The following SFMBT2 variants were observed in gnomAD, a reference collection of about 807,000 sequenced individuals.
SFMBT2 encodes scm-like with four MBT domains protein 2.
Under a neutral mutation model 110.1 loss-of-function variants are expected in SFMBT2, and 38 were observed. The ratio of observed to expected loss-of-function variants is 0.35; its 90% confidence interval spans 0.27 to 0.45. The LOEUF (loss-of-function observed/expected upper bound fraction) is 0.45, where lower values mean the gene tolerates loss of function less well. Among genes scored for constraint, SFMBT2 ranks in the 20% least tolerant of loss-of-function variants. The probability of loss-of-function intolerance (pLI) is 1.00; values close to 1 mark genes in which losing one functional copy is unlikely to be tolerated. For synonymous variants in SFMBT2, 425 were observed against 425.4 expected (o/e 1.00, Z 0.01); for missense variants, 1,011 against 1,094.9 (o/e 0.92, Z 1.08).
chr10:7,320,593 T>A, intron 4 of SFMBT2: 3 of 985,320 alleles, frequency 3.0e-6, no homozygotes, highest in Non-Finnish European at 3.6e-6. Context: ...TCACACCTGC[T>A]GAGAGCCAAT....
At chr10:7,378,793 G>A (rs1019781800) in intron 2 of SFMBT2, among the ~76,000 whole-genome samples, 1 of 151,158 alleles carries the variant, frequency 6.6e-6, no homozygotes, top group Non-Finnish European at 1.5e-5. Flanking sequence ...GTGTGGGTGT[G>A]TGTGGCTGTG....
At chr10:7,286,016 C>G in intron 4 of SFMBT2, 62 bp from the exon 5 acceptor site, 1 of 782,754 alleles carries the variant, frequency 1.3e-6, no homozygotes, top group Non-Finnish European at 2.3e-6. Flanking sequence ...AACACAGCAG[C>G]AAAGTATCCA....
Position 7,367,734 on chromosome 10 carries a change from G to A in SFMBT2, c.351C>T (p.Ala117=), listed in dbSNP as rs544511404. ...RYCGYGEDRR[A]DFWCDVVIAD... is the part of the protein sequence containing the mutation. ...CGATGACTACGTCACACCAGAAGTC[G>A]GCCCTGCGGTCCTCCCCGTAACCGC... Residue 117 remains alanine (A), a synonymous_variant, in exon 4 of 21, where the codon GCC becomes GCT. Transcript: ENST00000397167. This position sits in a 1 kb window ranked among gnomAD's most constrained non-coding sequence, Gnocchi z 6.2. 3.4e-5 allele frequency: 55 copies of A among 1,613,916 alleles called. No individual in the cohort carries two copies. Among genetic ancestry groups the A allele is most frequent in the Admixed American group, 8.3e-5 (5 of 59,996 alleles).
chr10:7,390,682 T>A (rs185962299), intron 1 of SFMBT2, among the ~76,000 whole-genome samples: 352 of 152,346 alleles, frequency 2.3e-3, no homozygotes, highest in African/African-American at 7.6e-3. Context: ...TTATAGACAC[T>A]TATTAAAAGG....
chr10:7,260,815 T>C (rs1841171273), intron 7 of SFMBT2, among the ~76,000 whole-genome samples: 1 of 152,108 alleles, frequency 6.6e-6, no homozygotes, highest in Admixed American at 6.5e-5. Flanking sequence ...AACTGAGTAA[T>C]AAGGAGTTGA....
At chr10:7,230,685 C>A (rs555870341) in intron 9 of SFMBT2, among the ~76,000 whole-genome samples, 1 of 152,304 alleles carries the variant, frequency 6.6e-6, no homozygotes, top group African/African-American at 2.4e-5. Flanking sequence ...ATAATCCCAG[C>A]ACTTTGGGAG....
intron 4 of SFMBT2, among the ~76,000 whole-genome samples, chr10:7,363,505 C>T (rs373013832): frequency 3.3e-5 from 5 of 152,104 alleles, no homozygotes; most frequent in Admixed American, 2.0e-4. Flanking sequence ...TGCGCCACCA[C>T]GCCCAGCTAA....
At chr10:7,277,617 C>G (rs2131826900) in intron 6 of SFMBT2, 1 of 152,898 alleles carries the variant, frequency 6.5e-6, no homozygotes, top group East Asian at 1.9e-4. Context: ...GGAGGTTACA[C>G]AGTCTGAATG....
chr10:7,278,964 G>A (rs1336793211), intron 6 of SFMBT2, among the ~76,000 whole-genome samples: 10 of 151,934 alleles, frequency 6.6e-5, no homozygotes, highest in South Asian at 2.1e-4. Flanking sequence ...AGCTGGGTGC[G>A]GTGGCAGGCG....
chr10:7,197,713 T>C (rs368908785), intron 14 of SFMBT2, 26 bp from the exon 15 acceptor site: 31 of 1,610,608 alleles, frequency 1.9e-5, no homozygotes, highest in Non-Finnish European at 1.6e-5. Context: ...ACATAGTCCA[T>C]GCTTAGGACC....
chr10:7,390,249 G>A (rs1375147318), intron 1 of SFMBT2, among the ~76,000 whole-genome samples: 2 of 152,124 alleles, frequency 1.3e-5, no homozygotes, highest in East Asian at 3.8e-4. Context: ...CCACTGCACT[G>A]GAGAGCCGTA....
chr10:7,269,648 AG>A (rs1397784031), intron 7 of SFMBT2, among the ~76,000 whole-genome samples: 1 of 151,964 alleles, frequency 6.6e-6, no homozygotes, highest in African/African-American at 2.4e-5. Flanking sequence ...ACTAGAAAAA[AG>A]TCTGCCTGCT....
chr10:7,195,674 C>G (rs1001512217), intron 15 of SFMBT2, among the ~76,000 whole-genome samples: 1 of 152,160 alleles, frequency 6.6e-6, no homozygotes, highest in Non-Finnish European at 1.5e-5. Flanking sequence ...ACCCCAGATG[C>G]CCCAGCCTTG....
intron 4 of SFMBT2, among the ~76,000 whole-genome samples, chr10:7,291,022 C>T (rs1446950530): frequency 1.3e-5 from 2 of 151,942 alleles, no homozygotes; most frequent in Non-Finnish European, 2.9e-5. Context: ...GTAGACCGGG[C>T]TGTGAGTATA....
chr10:7,201,165 CCTTACAAGAGAT>C (rs1838941676), intron 13 of SFMBT2, among the ~76,000 whole-genome samples: 1 of 152,212 alleles, frequency 6.6e-6, no homozygotes. Flanking sequence ...CAAAGTCAAC[CCTTACAAGAGAT>C]CTTAGCAAGG....
intron 9 of SFMBT2, among the ~76,000 whole-genome samples, chr10:7,241,541 C>T (rs1162337962): frequency 1.3e-5 from 2 of 151,978 alleles, no homozygotes; most frequent in Non-Finnish European, 2.9e-5. Flanking sequence ...CCAAATATCA[C>T]AAATATTTGG....
chr10:7,208,642 C>T (rs1043044013), intron 11 of SFMBT2, among the ~76,000 whole-genome samples: 2 of 149,512 alleles, frequency 1.3e-5, no homozygotes, highest in East Asian at 2.0e-4. Flanking sequence ...GCCAAGATCA[C>T]GCCACTGCGC....
Position 7,172,086 on chromosome 10 carries a change from C to T in SFMBT2, c.2224G>A (p.Asp742Asn), listed in dbSNP as rs1837891393. The T allele has an allele frequency of 6.2e-7, 1 of 1,606,932 alleles. No individual in the cohort carries two copies. The highest frequency in any genetic ancestry group is 1.3e-5 in the African/African-American group (1 of 74,644). The change falls in exon 19 of 21, where the codon GAT (aspartate) becomes AAT (asparagine). Residue 742 changes from aspartate (D) to asparagine (N), a missense_variant. Asp to Asn is a conservative substitution (Grantham distance 23, BLOSUM62 1). Transcript: ENST00000397167. The surrounding 1 kb of genome is among the most constrained non-coding windows in gnomAD (Gnocchi z 4.6). The stretch of plus-strand genomic sequence containing the variant: ...GCCGACGAGGTGTCCGTCTGGTCAT[C>T]CCGGAGCTCGGAGCCGGTCTCCTCA... ...ASEETGSELRDDQTDTSSAEV... is the reference protein window; with the variant it reads ...ASEETGSELRNDQTDTSSAEV...
At chr10:7,368,363 T>C (rs1844968739) in intron 3 of SFMBT2, 5 of 985,236 alleles carry the variant, frequency 5.1e-6, no homozygotes, top group Non-Finnish European at 4.8e-6. Flanking sequence ...TAATTAAGGG[T>C]GATAGTCTGT....
Sources: gnomAD v4.1 joint callset for allele counts (sites outside exome capture counted in the v4.1 genomes callset) on GRCh38, gnomAD v4.1.1 for gene constraint, Gnocchi (gnomAD v3.1) non-coding constraint, MANE v1.5 for transcripts, NCBI Gene and HGNC (gene_info 2026-07-23, HGNC 2026-07-21) for gene names.